The following TNS3 variants were observed in gnomAD, a reference collection of about 807,000 sequenced individuals.
The protein encoded by TNS3 is tensin 3, also known as tensin-3.
Under a neutral mutation model 140.9 loss-of-function variants are expected in TNS3, and 45 were observed. That is an observed-to-expected ratio of 0.32 (90% CI 0.25 to 0.41). The LOEUF is 0.41. Among genes scored for constraint, TNS3 ranks in the 10% least tolerant of loss-of-function variants. The pLI is 1.00. For synonymous variants in TNS3, 815 were observed against 788.4 expected (o/e 1.03, Z -0.56); for missense variants, 1,716 against 1,906.7 (o/e 0.90, Z 1.86).
intron 13 of TNS3, among the ~76,000 whole-genome samples, chr7:47,406,215 T>C (rs834601): frequency 0.46 from 69,789 of 151,912 alleles, 16,405 homozygotes; most frequent in Non-Finnish European, 0.5. Context: ...AAAGATGGGA[T>C]GGGTCAGGTG....
intron 5 of TNS3, 39 bp from the exon 6 acceptor site, chr7:47,439,697 G>C: frequency 6.2e-7 from 1 of 1,602,296 alleles, no homozygotes; most frequent in East Asian, 2.2e-5. Flanking sequence ...ACAGGGTAAG[G>C]AGGCAGCAGA....
chr7:47,439,824 TC>T (rs2151565025), intron 5 of TNS3, among the ~76,000 whole-genome samples, 166 bp from the exon 6 acceptor site: 1 of 152,268 alleles, frequency 6.6e-6, no homozygotes, highest in Non-Finnish European at 1.5e-5. Flanking sequence ...TGTGCTGTGT[TC>T]CCATAACAGC....
chr7:47,446,919 C>T (rs894967341), intron 4 of TNS3, among the ~76,000 whole-genome samples: 2 of 151,784 alleles, frequency 1.3e-5, no homozygotes, highest in African/African-American at 4.8e-5. Context: ...TGCTCTGACG[C>T]TCAAGCAATC....
At chr7:47,344,011 C>T (rs1261535556) in intron 20 of TNS3, among the ~76,000 whole-genome samples, 2 of 152,084 alleles carry the variant, frequency 1.3e-5, no homozygotes, top group Admixed American at 6.5e-5. Flanking sequence ...GGTAACGTGC[C>T]TAATAACCAT....
chr7:47,297,078 T>C lies in TNS3; in HGVS notation c.3676+4A>G, dbSNP rs772095954. The C allele has an allele frequency of 5.6e-5, 91 of 1,613,994 alleles. No homozygotes were observed. In the South Asian group the frequency reaches 9.9e-4, roughly 18 times the overall value. On this transcript the variant is annotated splice_donor_region_variant and intron_variant, in intron 24 of 30. Coordinates refer to ENST00000311160, the MANE Select transcript of TNS3 (RefSeq NM_022748.12). ...AACAGATCAATAGGGAGCAGTAACC[T>C]TACCTTTCTTGTTCAGCTGCAGGAC...
chr7:47,490,047 G>GA (rs1280709066), intron 3 of TNS3, among the ~76,000 whole-genome samples: 1 of 152,210 alleles, frequency 6.6e-6, no homozygotes. Flanking sequence ...AAAGCAAGAA[G>GA]AAAAACTCAT....
chr7:47,417,338 C>A (rs966402799), intron 10 of TNS3, among the ~76,000 whole-genome samples: 5 of 152,260 alleles, frequency 3.3e-5, no homozygotes, highest in African/African-American at 1.2e-4. Flanking sequence ...TTGCCCCTGA[C>A]ACCAGACGAA....
At chr7:47,339,592 T>C (rs1185579630) in intron 20 of TNS3, among the ~76,000 whole-genome samples, 2 of 152,250 alleles carry the variant, frequency 1.3e-5, no homozygotes, top group Admixed American at 1.3e-4. Context: ...TGACTGTAGC[T>C]ATACAATAAG....
intron 3 of TNS3, among the ~76,000 whole-genome samples, chr7:47,482,743 A>G (rs75277367): frequency 9.1e-6 from 1 of 109,426 alleles, no homozygotes; most frequent in African/African-American, 2.9e-5. Flanking sequence ...AAGCATGATG[A>G]AAAAAAAAAT....
intron 1 of TNS3, among the ~76,000 whole-genome samples, chr7:47,552,417 G>GT (rs1051646429): frequency 5.3e-5 from 8 of 152,184 alleles, no homozygotes; most frequent in African/African-American, 1.7e-4. Flanking sequence ...CAGATACTCA[G>GT]TTTTTTTTAA....
intron 20 of TNS3, among the ~76,000 whole-genome samples, chr7:47,329,566 A>G (rs1397052696): frequency 6.6e-6 from 1 of 152,084 alleles, no homozygotes; most frequent in Non-Finnish European, 1.5e-5. Flanking sequence ...GATCCCTGGG[A>G]CCTTCCTCCC....
intron 28 of TNS3, among the ~76,000 whole-genome samples, chr7:47,283,115 G>A (rs980944647): frequency 2.0e-5 from 3 of 152,224 alleles, no homozygotes; most frequent in South Asian, 2.1e-4. Context: ...CTGCACTCAG[G>A]GATGGCATTC....
At chr7:47,278,324 A>G in intron 30 of TNS3, 104 bp from the exon 31 acceptor site, 2 of 1,387,136 alleles carry the variant, frequency 1.4e-6, no homozygotes, top group East Asian at 4.9e-5. Flanking sequence ...TTTAAGTGGC[A>G]CCTATCAAAA....
chr7:47,561,886 C>T (rs946768402), intron 1 of TNS3, among the ~76,000 whole-genome samples: 3 of 150,450 alleles, frequency 2.0e-5, no homozygotes, highest in African/African-American at 7.5e-5. Context: ...AAAGGCCAGG[C>T]TGTGAAGACC....
At chr7:47,500,707 G>A (rs766268546) in intron 3 of TNS3, among the ~76,000 whole-genome samples, 7 of 152,162 alleles carry the variant, frequency 4.6e-5, no homozygotes, top group Non-Finnish European at 5.9e-5. Context: ...TACAAATAGG[G>A]GCAGGAAAGA....
intron 1 of TNS3, among the ~76,000 whole-genome samples, chr7:47,548,263 C>T (rs1799974544): frequency 1.3e-5 from 2 of 152,180 alleles, no homozygotes; most frequent in South Asian, 4.2e-4. Context: ...GGCATACAGC[C>T]TGCTGTAACA....
chr7:47,470,997 G>C (rs962805745), intron 4 of TNS3, among the ~76,000 whole-genome samples: 9 of 151,628 alleles, frequency 5.9e-5, no homozygotes, highest in African/African-American at 2.2e-4. Flanking sequence ...CAGCAGGTCA[G>C]TGAACTGAGA....
chr7:47,576,626 C>T (rs1030738817), intron 1 of TNS3, among the ~76,000 whole-genome samples: 1 of 152,190 alleles, frequency 6.6e-6, no homozygotes, highest in Non-Finnish European at 1.5e-5. Flanking sequence ...GCCAGCCCGG[C>T]GCTCCAGGGA....
At chr7:47,530,455 G>C (rs1475328980) in intron 1 of TNS3, among the ~76,000 whole-genome samples, 1 of 151,916 alleles carries the variant, frequency 6.6e-6, no homozygotes, top group Non-Finnish European at 1.5e-5. Context: ...GGGAAGGGGG[G>C]ATATTTGAAA....
Sources: allele counts gnomAD v4.1 joint callset (sites outside exome capture counted in the v4.1 genomes callset), GRCh38; gene constraint gnomAD v4.1.1; transcripts MANE v1.5; gene names NCBI Gene and HGNC (gene_info 2026-07-23, HGNC 2026-07-21).